UNG: variants seen among roughly 807,000 people sequenced by gnomAD.
The protein encoded by UNG is uracil-DNA glycosylase.
A neutral mutation model predicts 36.5 loss-of-function variants in UNG; 34 were observed. The ratio of observed to expected loss-of-function variants is 0.93; its 90% CI spans 0.71 to 1.24. UNG has a LOEUF of 1.24. Ranked by LOEUF, UNG falls within the 50% of genes most tolerant of loss-of-function variation. The pLI, the probability that UNG is intolerant of heterozygous loss-of-function variation, is 0.00. For synonymous variants in UNG, 172 were observed against 157.8 expected, an observed-to-expected ratio of 1.09 and a Z score of -0.67; for missense variants, 391 against 397.6, an observed-to-expected ratio of 0.98 and a Z score of 0.14.
rs2042251323 is a variant in UNG, at chr12:109,110,252, T to C, written c.*283T>C. ...ACTCAGTTGGCTCTCTTTATCTCCC[T>C]TGCCTTTATGGTGAAACAGGGGAGA... On this transcript the variant is annotated 3_prime_UTR_variant, in exon 7 of 7. Coordinates refer to ENST00000242576, the MANE Select transcript of UNG (RefSeq NM_080911.3). 2.2e-6 allele frequency: 1 copy of C among 454,864 alleles called. No individual in the cohort carries two copies. The highest frequency in any genetic ancestry group is 4.0e-6 in the Non-Finnish European group (1 of 247,448). 28.2% of individuals were successfully genotyped at this position (454,864 alleles called of 1,614,324 possible).
intron 6 of UNG, among the ~76,000 whole-genome samples, chr12:109,108,590 C>G (rs1275424394): frequency 1.3e-5 from 2 of 151,920 alleles, no homozygotes; most frequent in Non-Finnish European, 2.9e-5. Flanking sequence ...CACAGTCATG[C>G]CACTACACTC....
At chr12:109,102,498 T>C (rs2042185843) in intron 4 of UNG, among the ~76,000 whole-genome samples, 1 of 151,956 alleles carries the variant, frequency 6.6e-6, no homozygotes, top group African/African-American at 2.4e-5. Context: ...AACCACTGCT[T>C]TTGGAGGATT....
intron 6 of UNG, among the ~76,000 whole-genome samples, chr12:109,105,935 G>A (rs894082802): frequency 6.6e-6 from 1 of 152,236 alleles, no homozygotes; most frequent in East Asian, 1.9e-4. Context: ...CGGCCTCCCA[G>A]ACTTAACTCT....
intron 1 of UNG, 40 bp from the exon 2 acceptor site, chr12:109,098,392 G>A: frequency 1.2e-6 from 2 of 1,601,040 alleles, no homozygotes; most frequent in South Asian, 1.1e-5. Context: ...GGAAGGGGCC[G>A]CTGCAGCTCT....
At chr12:109,098,151 T>C (rs1256278516) in intron 1 of UNG, 3 of 1,231,010 alleles carry the variant, frequency 2.4e-6, no homozygotes, top group African/African-American at 1.8e-5. Flanking sequence ...GGGGCGGGTC[T>C]GGCGGGGGCG....
At chr12:109,098,074 A>C (rs945820644) in intron 1 of UNG, 15 of 1,378,322 alleles carry the variant, frequency 1.1e-5, no homozygotes, top group African/African-American at 1.5e-5. Context: ...CTGTCCAATC[A>C]GAGGGGAGAG....
chr12:109,102,055 C>A, intron 4 of UNG, 56 bp downstream of exon 4: 1 of 1,506,844 alleles, frequency 6.6e-7, no homozygotes, highest in Non-Finnish European at 9.2e-7. Flanking sequence ...CAGATGTGTA[C>A]TTAGCTTATT....
At chr12:109,100,171 C>T (rs2042166332) in intron 3 of UNG, among the ~76,000 whole-genome samples, 1 of 152,218 alleles carries the variant, frequency 6.6e-6, no homozygotes, top group Non-Finnish European at 1.5e-5. Context: ...CTCCCACTCT[C>T]CCACTCCAGA....
At chr12:109,100,931 C>T (rs375942655) in intron 3 of UNG, among the ~76,000 whole-genome samples, 19 of 152,092 alleles carry the variant, frequency 1.2e-4, no homozygotes, top group African/African-American at 4.3e-4. Context: ...ATGGGAAGGA[C>T]GAGGCGGCCT....
Position 109,098,514 on chromosome 12 carries a change from A to T in UNG, c.215A>T (p.Asp72Val). 2 of 1,612,894 alleles carry T rather than the reference A, an allele frequency of 1.2e-6. No individual in the cohort carries two copies. Among genetic ancestry groups the T allele is most frequent in the Non-Finnish European group, 1.7e-6 (2 of 1,179,876 alleles). Reference protein sequence around the residue: ...PSSPLSAEQLDRIQRNKAAAL... With the variant: ...PSSPLSAEQLVRIQRNKAAAL... ...TCGCCGCTGAGTGCCGAGCAGTTGG[A>T]CCGGATCCAGAGGAACAAGGCCGCG... Residue 72 changes from aspartate to valine, a missense_variant, in exon 2 of 7, where the codon GAC becomes GTC. Transcript: ENST00000242576.
Position 109,110,938 on chromosome 12 carries a change from G to A in UNG, c.*969G>A, listed in dbSNP as rs970443378. 6.6e-6 allele frequency: 1 copy of A among 152,042 alleles called. No homozygotes were observed. Among genetic ancestry groups the A allele is most frequent in the South Asian group, 2.1e-4 (1 of 4,820 alleles). 9.4% of individuals were successfully genotyped at this position (152,042 alleles called of 1,614,324 possible). On this transcript the variant is annotated 3_prime_UTR_variant, in exon 7 of 7. Transcript: ENST00000242576. ...GTTAGCAATGCTGTTTTTGCTGTTA[G>A]TCGGGTTAGAGTTGGCTCTACGCGA...
intron 1 of UNG, chr12:109,098,022 T>G (rs2042144758): frequency 7.7e-7 from 1 of 1,303,014 alleles, no homozygotes; most frequent in African/African-American, 1.5e-5. Flanking sequence ...TCGGGGCCCA[T>G]GGCGCCAATC....
intron 3 of UNG, among the ~76,000 whole-genome samples, chr12:109,099,919 G>A (rs1046350465): frequency 3.3e-5 from 5 of 152,108 alleles, no homozygotes; most frequent in South Asian, 2.1e-4. Context: ...AAAATTAGCC[G>A]GGCATGGTGG....
intron 6 of UNG, among the ~76,000 whole-genome samples, chr12:109,105,562 A>C (rs2042209665): frequency 6.6e-6 from 1 of 152,106 alleles, no homozygotes; most frequent in African/African-American, 2.4e-5. Flanking sequence ...GAACATGCCA[A>C]ATTCAACATT....
intron 6 of UNG, among the ~76,000 whole-genome samples, chr12:109,107,761 G>A (rs1050345003): frequency 1.3e-5 from 2 of 151,108 alleles, no homozygotes; most frequent in African/African-American, 4.9e-5. Context: ...CTGACCTCAG[G>A]TGATCCACCT....
intron 1 of UNG, chr12:109,098,223 C>T: frequency 2.0e-6 from 3 of 1,473,598 alleles, no homozygotes; most frequent in Non-Finnish European, 2.7e-6. Context: ...TAGGGCGCCT[C>T]CCAGCCCGTC....
intron 2 of UNG, 36 bp from the exon 3 acceptor site, chr12:109,099,153 G>T (rs1479483848): frequency 6.3e-7 from 1 of 1,575,388 alleles, no homozygotes; most frequent in African/African-American, 1.3e-5. Context: ...TTTCCAATGA[G>T]AATCTGATTT....
In UNG at chr12:109,102,947, A is replaced by ATTTTTTTT. The variant is rs386377711; in HGVS notation, c.622+35_622+42dup. The ATTTTTTTT allele has an allele frequency of 1.2e-5, 12 of 971,328 alleles. No homozygotes were observed. Among genetic ancestry groups the ATTTTTTTT allele is most frequent in the African/African-American group, 4.0e-5 (2 of 49,384 alleles). 60.2% of individuals were successfully genotyped at this position (971,328 alleles called of 1,614,324 possible). A position where few individuals can be genotyped will look rare whatever the true frequency, so the allele number is the denominator to read the frequency against. ...AGCAAGGTAAGCCAGCGACTGCTAGATTTTTTTTTTTTTTTTTTTTTTGAG... is the reference window on the plus strand; with the variant it reads ...AGCAAGGTAAGCCAGCGACTGCTAGATTTTTTTTTTTTTTTTTTTTTTTTTTTTTTGAG... On this transcript the variant is annotated intron_variant, in intron 5 of 6. Coordinates refer to ENST00000242576, the MANE Select transcript of UNG (RefSeq NM_080911.3).
At chr12:109,105,908 GA>G (rs574661862) in intron 6 of UNG, among the ~76,000 whole-genome samples, 90 of 152,358 alleles carry the variant, frequency 5.9e-4, no homozygotes, top group African/African-American at 2.0e-3. Flanking sequence ...CAGGGGGGTA[GA>G]GGGGTGGCCC....
Sources: gnomAD v4.1 joint callset for allele counts (sites outside exome capture counted in the v4.1 genomes callset) on GRCh38, gnomAD v4.1.1 for gene constraint, MANE v1.5 for transcripts, NCBI Gene and HGNC (gene_info 2026-07-23, HGNC 2026-07-21) for gene names.